Variants in YPEL2 observed in about 807,000 individuals in gnomAD.
The protein encoded by YPEL2 is yippee like 2, also known as protein yippee-like 2.
In YPEL2, 2 loss-of-function variants were observed where a neutral mutation model predicts 19.1. The ratio of observed to expected loss-of-function variants is 0.10; its 90% CI spans 0.04 to 0.33. The LOEUF (loss-of-function observed/expected upper bound fraction) is 0.33. YPEL2 is among the 10% of genes least tolerant of loss of function. The pLI is 1.00. For synonymous variants in YPEL2, 52 were observed against 50.0 expected, an observed-to-expected ratio of 1.04 and a Z score of -0.17; for missense variants, 66 against 140.7, an observed-to-expected ratio of 0.47 and a Z score of 2.68.
rs970852841 is a variant in YPEL2, at chr17:59,351,866, G to T, written c.-195-1349G>T. Among the ~76,000 whole-genome samples, 3 of 152,174 alleles carry T rather than the reference G, an allele frequency of 2.0e-5. No individual in the cohort carries two copies. In the East Asian group the frequency reaches 5.8e-4, roughly 29 times the overall value. Reference sequence around the variant, plus strand: ...GTGCTCTCACTGTGGGTTAAGGGGTGGTGGCTGATATTGTCCTTCAGCCTA... The same window carrying T: ...GTGCTCTCACTGTGGGTTAAGGGGTTGTGGCTGATATTGTCCTTCAGCCTA... On this transcript the variant is annotated intron_variant, in intron 1 of 4. Transcript: ENST00000312655.
chr17:59,373,446 T>C (rs1271384453), intron 2 of YPEL2, among the ~76,000 whole-genome samples: 1 of 152,224 alleles, frequency 6.6e-6, no homozygotes, highest in Non-Finnish European at 1.5e-5. Flanking sequence ...CATCTCCTCC[T>C]GTCCCATCCA....
In YPEL2 at chr17:59,361,704, A is replaced by G. The variant is rs114732065; in HGVS notation, c.117+8178A>G. On this transcript the variant is annotated intron_variant, in intron 2 of 4. Transcript: ENST00000312655. ...ATTCTGTGGGCATGTATATTTTTCT[A>G]GAGAGGGTTTCATGGCTTTCATCAG... is the stretch of plus-strand genomic sequence containing the variant. Among the ~76,000 whole-genome samples, 634 of 152,292 alleles carry G rather than the reference A, an allele frequency of 4.2e-3. 7 individuals carry two copies. Among genetic ancestry groups the G allele is most frequent in the African/African-American group, 0.015 (607 of 41,568 alleles).
intron 1 of YPEL2, among the ~76,000 whole-genome samples, chr17:59,348,074 G>A (rs1309525973): frequency 6.6e-6 from 1 of 152,166 alleles, no homozygotes; most frequent in African/African-American, 2.4e-5. Flanking sequence ...GTGGAGGTTG[G>A]TCTTATTAGA....
intron 2 of YPEL2, among the ~76,000 whole-genome samples, chr17:59,380,456 G>C (rs2047943396): frequency 6.6e-6 from 1 of 151,798 alleles, no homozygotes; most frequent in Non-Finnish European, 1.5e-5. Context: ...TTTTAGTAGA[G>C]ACGGGGTTTC....
At chr17:59,386,038 A>T (rs1465967558) in intron 2 of YPEL2, among the ~76,000 whole-genome samples, 1 of 152,110 alleles carries the variant, frequency 6.6e-6, no homozygotes, top group Non-Finnish European at 1.5e-5. Flanking sequence ...GCAAAGGAAA[A>T]CAGGCCGGGT....
chr17:59,332,209 C>G (rs1168237273), intron 1 of YPEL2, among the ~76,000 whole-genome samples: 1 of 152,018 alleles, frequency 6.6e-6, no homozygotes, highest in East Asian at 1.9e-4. Flanking sequence ...GTTCGGACTC[C>G]ATGGGGTCCG....
chr17:59,362,264 G>GGTT (rs2047844855), intron 2 of YPEL2, among the ~76,000 whole-genome samples: 1 of 150,000 alleles, frequency 6.7e-6, no homozygotes, highest in African/African-American at 2.5e-5. Flanking sequence ...AGCATTCTAT[G>GGTT]GTTTTTTTTT....
chr17:59,333,272 C>T (rs1318715510), intron 1 of YPEL2, among the ~76,000 whole-genome samples: 4 of 152,246 alleles, frequency 2.6e-5, no homozygotes, highest in Non-Finnish European at 2.9e-5. Flanking sequence ...GCACCATCCC[C>T]TGTCCCCAGC....
intron 1 of YPEL2, among the ~76,000 whole-genome samples, chr17:59,349,018 C>T (rs1175475320): frequency 3.3e-5 from 5 of 151,974 alleles, no homozygotes; most frequent in Admixed American, 2.6e-4. Context: ...ACTAAAAATA[C>T]AAAAAGTTAG....
At chr17:59,367,870 G>A (rs2047878130) in intron 2 of YPEL2, among the ~76,000 whole-genome samples, 1 of 152,164 alleles carries the variant, frequency 6.6e-6, no homozygotes, top group African/African-American at 2.4e-5. Flanking sequence ...GTAATGGGAA[G>A]ACAGTGTGGG....
chr17:59,337,794 G>T (rs2047707338), intron 1 of YPEL2, among the ~76,000 whole-genome samples: 1 of 152,116 alleles, frequency 6.6e-6, no homozygotes, highest in Admixed American at 6.5e-5. Flanking sequence ...TAACATTTTG[G>T]AGATATACAC....
chr17:59,357,228 G>A (rs2047817392), intron 2 of YPEL2, among the ~76,000 whole-genome samples: 2 of 152,172 alleles, frequency 1.3e-5, no homozygotes, highest in Admixed American at 1.3e-4. Context: ...AAAGACAAGG[G>A]GGTGGGTTGG....
chr17:59,397,021 A>T, intron 4 of YPEL2, 80 bp from the exon 5 acceptor site: 1 of 1,070,356 alleles, frequency 9.3e-7, no homozygotes, highest in Non-Finnish European at 1.3e-6. Flanking sequence ...ACAGAGTGAG[A>T]CTGCCTCAAA....
rs142984699 is a variant in YPEL2, at chr17:59,350,988, T to TC, written c.-195-2223dup. On this transcript the variant is annotated intron_variant, in intron 1 of 4. Transcript: ENST00000312655. ...CCTGGGGGAAGCCTACTGCTTGTTT[T>TC]CCCCTGCCTGTCTTTCCTATTTCCT... 9.5e-3 allele frequency among the ~76,000 whole-genome samples: 1,444 copies of TC among 152,280 alleles called. 27 individuals are homozygous for TC. Among genetic ancestry groups the TC allele is most frequent in the African/African-American group, 0.032 (1,341 of 41,546 alleles).
At chr17:59,342,330 C>G (rs998850511) in intron 1 of YPEL2, among the ~76,000 whole-genome samples, 1 of 152,158 alleles carries the variant, frequency 6.6e-6, no homozygotes, top group Non-Finnish European at 1.5e-5. Context: ...ACACAGATGA[C>G]AATCAAATAA....
chr17:59,391,383 G>C (rs1400386315), intron 4 of YPEL2, among the ~76,000 whole-genome samples: 1 of 152,060 alleles, frequency 6.6e-6, no homozygotes, highest in Non-Finnish European at 1.5e-5. Context: ...ATTTTGCTGT[G>C]ACCCTAATGC....
chr17:59,335,480 T>C (rs1463976099), intron 1 of YPEL2, among the ~76,000 whole-genome samples: 1 of 151,990 alleles, frequency 6.6e-6, no homozygotes, highest in Non-Finnish European at 1.5e-5. Context: ...CTGAGGTTTC[T>C]GAAACATGCC....
intron 2 of YPEL2, among the ~76,000 whole-genome samples, chr17:59,372,876 GTTA>G (rs997181840): frequency 6.6e-6 from 1 of 152,194 alleles, no homozygotes; most frequent in African/African-American, 2.4e-5. Context: ...GTGTAGTGTT[GTTA>G]TTATTATTTT....
intron 3 of YPEL2, chr17:59,389,150 C>T (rs759971939): frequency 3.1e-5 from 17 of 551,886 alleles, no homozygotes; most frequent in Non-Finnish European, 4.9e-5. Flanking sequence ...TTCGGTAGAC[C>T]CACTCCACTA....
Sources: gnomAD v4.1 joint callset for allele counts (sites outside exome capture counted in the v4.1 genomes callset) on GRCh38, gnomAD v4.1.1 for gene constraint, MANE v1.5 for transcripts, NCBI Gene and HGNC (gene_info 2026-07-23, HGNC 2026-07-21) for gene names.